Variants in TECR observed in about 807,000 individuals in gnomAD.
TECR encodes the protein very-long-chain enoyl-CoA reductase.
A neutral mutation model predicts 50.6 loss-of-function variants in TECR; 19 were observed. The observed-to-expected ratio is 0.38, with a 90% CI of 0.26 to 0.55. The LOEUF (loss-of-function observed/expected upper bound fraction) is 0.55. TECR is among the 20% of genes least tolerant of loss of function. TECR has a pLI of 0.79. For missense variants in TECR, 313 were observed against 408.3 expected (o/e 0.77, Z 2.01); for synonymous variants, 168 against 163.5 (o/e 1.03, Z -0.21).
intron 1 of TECR, among the ~76,000 whole-genome samples, chr19:14,533,203 G>T (rs558501823): frequency 1.1e-3 from 170 of 151,888 alleles, no homozygotes; most frequent in Middle Eastern, 3.5e-3. Flanking sequence ...GGCAAATCAT[G>T]TGAGGTCAGG....
At chr19:14,535,560 A>G (rs1182919497) in intron 1 of TECR, among the ~76,000 whole-genome samples, 1 of 21,856 alleles carries the variant, frequency 4.6e-5, no homozygotes, top group African/African-American at 1.7e-4. Context: ...ATATATATAT[A>G]TATATATATA....
At chr19:14,529,905 A>C (rs1173640063) in intron 1 of TECR, 194 bp downstream of exon 1, 4 of 766,506 alleles carry the variant, frequency 5.2e-6, no homozygotes, top group African/African-American at 3.5e-5. Context: ...GTATTTATAA[A>C]TCTGCAACCC....
intron 1 of TECR, among the ~76,000 whole-genome samples, chr19:14,535,567 T>TATATATAC: frequency 6.1e-5 from 1 of 16,318 alleles, no homozygotes; most frequent in Non-Finnish European, 1.4e-4. Flanking sequence ...TATATATATA[T>TATATATAC]ATATATATAT....
intron 1 of TECR, among the ~76,000 whole-genome samples, chr19:14,533,211 A>C (rs1422081055): frequency 6.6e-6 from 1 of 152,154 alleles, no homozygotes; most frequent in East Asian, 1.9e-4. Flanking sequence ...ATGTGAGGTC[A>C]GGAGTTTGAG....
intron 1 of TECR, among the ~76,000 whole-genome samples, chr19:14,538,120 A>G (rs995124977): frequency 3.3e-5 from 5 of 152,150 alleles, no homozygotes; most frequent in African/African-American, 1.2e-4. Flanking sequence ...TCTTATCTCT[A>G]CTTGACTGAT....
At chr19:14,539,054 A>T (rs922193532) in intron 1 of TECR, among the ~76,000 whole-genome samples, 2 of 148,696 alleles carry the variant, frequency 1.3e-5, no homozygotes, top group Non-Finnish European at 3.0e-5. Flanking sequence ...GCTCACTGCA[A>T]TCTCCGCCTC....
intron 1 of TECR, among the ~76,000 whole-genome samples, chr19:14,535,743 T>G (rs1599416639): frequency 2.1e-5 from 2 of 95,544 alleles, no homozygotes; most frequent in African/African-American, 8.9e-5. Flanking sequence ...GGCAACAGAG[T>G]GAGACTCTGT....
At chr19:14,546,813 C>G (rs1307056351) in intron 1 of TECR, among the ~76,000 whole-genome samples, 1 of 152,142 alleles carries the variant, frequency 6.6e-6, no homozygotes, top group Non-Finnish European at 1.5e-5. Context: ...CCTTAGCCTC[C>G]CAGGTAGCTG....
At chr19:14,537,152 G>C (rs964030049) in intron 1 of TECR, among the ~76,000 whole-genome samples, 1 of 130,458 alleles carries the variant, frequency 7.7e-6, no homozygotes, top group African/African-American at 2.9e-5. Flanking sequence ...AGGTAGGGCT[G>C]AGAAAGAAGA....
intron 1 of TECR, among the ~76,000 whole-genome samples, chr19:14,540,419 G>C (rs1170304339): frequency 1.3e-5 from 2 of 151,256 alleles, no homozygotes; most frequent in Non-Finnish European, 2.9e-5. Context: ...TTGAGGCAGA[G>C]TCGTGCTCTG....
intron 1 of TECR, among the ~76,000 whole-genome samples, chr19:14,553,749 T>C (rs1378481397): frequency 6.6e-6 from 1 of 152,124 alleles, no homozygotes; most frequent in African/African-American, 2.4e-5. Context: ...GCTCTGGGCA[T>C]GATCGGGCCA....
At chr19:14,557,433 G>A (rs1260421629) in intron 1 of TECR, among the ~76,000 whole-genome samples, 1 of 150,890 alleles carries the variant, frequency 6.6e-6, no homozygotes, top group East Asian at 2.0e-4. Flanking sequence ...GAGCCATAGT[G>A]CCCCGCCTAA....
At chr19:14,560,281 G>A (rs1244327339) in intron 1 of TECR, among the ~76,000 whole-genome samples, 1 of 152,214 alleles carries the variant, frequency 6.6e-6, no homozygotes, top group Non-Finnish European at 1.5e-5. Context: ...AGAGGGGCTG[G>A]TTGTATTTTA....
chr19:14,540,617 C>A (rs2073066010), intron 1 of TECR, among the ~76,000 whole-genome samples: 1 of 151,908 alleles, frequency 6.6e-6, no homozygotes, highest in African/African-American at 2.4e-5. Context: ...GTCTTGAACT[C>A]CTGACCACAA....
chr19:14,541,165 A>T (rs1461359648), intron 1 of TECR, among the ~76,000 whole-genome samples: 1 of 151,914 alleles, frequency 6.6e-6, no homozygotes, highest in African/African-American at 2.4e-5. Flanking sequence ...CTTGGTAGAG[A>T]CGCAGTCTCA....
intron 1 of TECR, among the ~76,000 whole-genome samples, chr19:14,553,468 C>T (rs771276054): frequency 2.6e-5 from 4 of 152,198 alleles, no homozygotes; most frequent in South Asian, 2.1e-4. Context: ...CAGCCGCCCC[C>T]GGGTGCCACT....
At chr19:14,561,551 G>A (rs1402507095) in intron 1 of TECR, among the ~76,000 whole-genome samples, 1 of 152,136 alleles carries the variant, frequency 6.6e-6, no homozygotes, top group Admixed American at 6.5e-5. Context: ...AGGAAGCGCC[G>A]GGCTTTAGTG....
At chr19:14,558,700 C>T (rs1398136509) in intron 1 of TECR, among the ~76,000 whole-genome samples, 3 of 152,164 alleles carry the variant, frequency 2.0e-5, no homozygotes, top group Non-Finnish European at 2.9e-5. Flanking sequence ...GCTGGGACCT[C>T]GCTGACACCA....
rs1026510977 is a variant in TECR at position 14,563,372 on chromosome 19, T to C, written c.118+115T>C. ...AGGGGCCTGCAGAGATGCCCCAGTG[T>C]GGCCCAGGCTTCTGGGGCGTGACTG... On this transcript the variant is annotated intron_variant, in intron 3 of 12. Coordinates refer to ENST00000215567, the MANE Select transcript of TECR (RefSeq NM_138501.6). The surrounding 1 kb of genome is among the most constrained non-coding windows in gnomAD (Gnocchi z 5.3). 99 of 1,073,916 alleles carry C rather than the reference T, an allele frequency of 9.2e-5. No individual in the cohort carries two copies. Among genetic ancestry groups the C allele is most frequent in the Admixed American group, 6.4e-4 (33 of 51,170 alleles). 66.5% of individuals were successfully genotyped at this position (1,073,916 alleles called of 1,614,324 possible).
Sources: allele counts gnomAD v4.1 joint callset (sites outside exome capture counted in the v4.1 genomes callset), GRCh38; gene constraint gnomAD v4.1.1; non-coding constraint Gnocchi (gnomAD v3.1); transcripts MANE v1.5; gene names NCBI Gene and HGNC (gene_info 2026-07-23, HGNC 2026-07-21).